Variants in CLNK observed in about 807,000 individuals in gnomAD.
CLNK encodes cytokine dependent hematopoietic cell linker.
A neutral mutation model predicts 68.6 loss-of-function variants in CLNK; 74 were observed. That is an observed-to-expected ratio of 1.08 (90% CI 0.89 to 1.31). The LOEUF (loss-of-function observed/expected upper bound fraction) is 1.31, where lower values mean the gene tolerates loss of function less well. Ranked by LOEUF, CLNK falls within the 50% of genes most tolerant of loss-of-function variation. The pLI, the probability that CLNK is intolerant of heterozygous loss-of-function variation, is 0.00. For missense variants in CLNK, 553 were observed against 515.3 expected (o/e 1.07, Z -0.71); for synonymous variants, 198 against 172.2 (o/e 1.15, Z -1.17).
intron 18 of CLNK, among the ~76,000 whole-genome samples, chr4:10,493,881 G>A (rs560803354): frequency 6.6e-6 from 1 of 152,190 alleles, no homozygotes; most frequent in East Asian, 1.9e-4. Flanking sequence ...AACAGTGATG[G>A]TAACGATAGG....
the CLNK span, among the ~76,000 whole-genome samples, chr4:10,695,749 C>A: frequency 6.6e-6 from 1 of 152,136 alleles, no homozygotes; most frequent in African/African-American, 2.4e-5. Context: ...ATAATGAAGA[C>A]GGAAGAGGAG....
chr4:10,529,982 CTCCT>C (rs1182736830), intron 12 of CLNK, among the ~76,000 whole-genome samples: 3 of 150,846 alleles, frequency 2.0e-5, no homozygotes, highest in Non-Finnish European at 2.9e-5. Context: ...CTCCCTCTTT[CTCCT>C]TCCTTTTTTC....
intron 8 of CLNK, among the ~76,000 whole-genome samples, chr4:10,555,382 A>G (rs772629481): frequency 9.2e-5 from 14 of 152,362 alleles, no homozygotes; most frequent in African/African-American, 1.2e-4. Flanking sequence ...CTAGAAAAAT[A>G]AACCACGCTG....
Position 10,624,454 on chromosome 4 carries a change from G to A in CLNK, c.12-26405C>T, listed in dbSNP as rs1483440629. ...ACTATAGGCGCCCGCCACCACGCCCGGCTAATTTTTTGTATTTTTAATAGA... is the reference window on the plus strand; with the variant it reads ...ACTATAGGCGCCCGCCACCACGCCCAGCTAATTTTTTGTATTTTTAATAGA... On this transcript the variant is annotated intron_variant, in intron 2 of 18. Coordinates refer to ENST00000226951, the MANE Select transcript of CLNK (RefSeq NM_052964.4). 2.0e-5 allele frequency among the ~76,000 whole-genome samples: 3 copies of A among 152,130 alleles called. No individual in the cohort carries two copies. In the East Asian group the frequency reaches 5.8e-4, roughly 29 times the overall value.
At chr4:10,601,755 A>G (rs1560236676) in intron 2 of CLNK, among the ~76,000 whole-genome samples, 1 of 152,208 alleles carries the variant, frequency 6.6e-6, no homozygotes, top group Non-Finnish European at 1.5e-5. Flanking sequence ...ATTTGGGGCC[A>G]GCTGCCTTTC....
At chr4:10,564,114 T>G (rs1720004912) in intron 7 of CLNK, among the ~76,000 whole-genome samples, 1 of 151,736 alleles carries the variant, frequency 6.6e-6, no homozygotes, top group Non-Finnish European at 1.5e-5. Context: ...CTTTTTTTTT[T>G]TTTTTGAGAC....
At chr4:10,706,581 T>C in the CLNK span, among the ~76,000 whole-genome samples, 1 of 152,232 alleles carries the variant, frequency 6.6e-6, no homozygotes, top group Non-Finnish European at 1.5e-5. Flanking sequence ...AGGAAGTATG[T>C]ATCTGTCATC....
chr4:10,667,590 C>T (rs564883231), intron 2 of CLNK, among the ~76,000 whole-genome samples: 1 of 152,214 alleles, frequency 6.6e-6, no homozygotes, highest in South Asian at 2.1e-4. Flanking sequence ...GGGTGCCCTT[C>T]TAGCATCATG....
At chr4:10,585,920 T>G (rs1720948991) in intron 3 of CLNK, among the ~76,000 whole-genome samples, 1 of 152,238 alleles carries the variant, frequency 6.6e-6, no homozygotes, top group Admixed American at 6.5e-5. Flanking sequence ...GGGACCAGTT[T>G]CCTGGTATTT....
At chr4:10,559,939 C>G (rs1719821115) in intron 7 of CLNK, among the ~76,000 whole-genome samples, 1 of 152,150 alleles carries the variant, frequency 6.6e-6, no homozygotes, top group South Asian at 2.1e-4. Flanking sequence ...AGTAACATCT[C>G]TGTCTTCTAC....
chr4:10,644,774 T>C (rs951883557), intron 2 of CLNK, among the ~76,000 whole-genome samples: 1 of 152,252 alleles, frequency 6.6e-6, no homozygotes, highest in African/African-American at 2.4e-5. Flanking sequence ...GACTTCATTA[T>C]GGCTCAGCAA....
intron 2 of CLNK, among the ~76,000 whole-genome samples, chr4:10,603,059 A>C (rs566094875): frequency 6.6e-6 from 1 of 152,192 alleles, no homozygotes; most frequent in Non-Finnish European, 1.5e-5. Context: ...GGCTACACCC[A>C]ATGTGACTGG....
At chr4:10,682,638 C>T (rs1023393023) in intron 1 of CLNK, among the ~76,000 whole-genome samples, 14 of 152,174 alleles carry the variant, frequency 9.2e-5, no homozygotes, top group Non-Finnish European at 1.0e-4. Flanking sequence ...TACCTAAAGA[C>T]GAACAGTAAA....
At chr4:10,545,991 A>G (rs907588031) in intron 8 of CLNK, among the ~76,000 whole-genome samples, 2 of 152,166 alleles carry the variant, frequency 1.3e-5, no homozygotes, top group Admixed American at 1.3e-4. Context: ...ACAGCGCCCC[A>G]GTCCTATCCC....
At chr4:10,499,883 A>T (rs1716969274) in intron 18 of CLNK, among the ~76,000 whole-genome samples, 1 of 152,008 alleles carries the variant, frequency 6.6e-6, no homozygotes. Flanking sequence ...AACATCTCTC[A>T]TATTGGATTA....
intron 4 of CLNK, among the ~76,000 whole-genome samples, chr4:10,579,022 G>C (rs1720682393): frequency 6.6e-6 from 1 of 152,190 alleles, no homozygotes. Flanking sequence ...ACTTGGTTGT[G>C]GTGTAAGAGA....
At chr4:10,620,917 A>G (rs1030603029) in intron 2 of CLNK, among the ~76,000 whole-genome samples, 4 of 149,018 alleles carry the variant, frequency 2.7e-5, no homozygotes, top group African/African-American at 9.9e-5. Flanking sequence ...CCTGGCTAAC[A>G]TGGTGAAGCC....
intron 2 of CLNK, among the ~76,000 whole-genome samples, chr4:10,658,652 G>C (rs1271783323): frequency 6.6e-6 from 1 of 152,158 alleles, no homozygotes; most frequent in Non-Finnish European, 1.5e-5. Flanking sequence ...GTCTACAGTA[G>C]AGCGGCCATA....
intron 2 of CLNK, among the ~76,000 whole-genome samples, chr4:10,622,733 G>A (rs1180974893): frequency 2.0e-5 from 3 of 152,174 alleles, no homozygotes; most frequent in Non-Finnish European, 4.4e-5. Flanking sequence ...ATCTTAGTCA[G>A]CTTGGGCTGC....
Sources: gnomAD v4.1 joint callset for allele counts (sites outside exome capture counted in the v4.1 genomes callset) on GRCh38, gnomAD v4.1.1 for gene constraint, MANE v1.5 for transcripts, NCBI Gene and HGNC (gene_info 2026-07-23, HGNC 2026-07-21) for gene names.